Variants in PRKCH observed in about 807,000 individuals in gnomAD.
The protein encoded by PRKCH is protein kinase C eta, also known as protein kinase C eta type.
A neutral mutation model predicts 82.5 loss-of-function variants in PRKCH; 28 were observed. The ratio of observed to expected loss-of-function variants is 0.34; its 90% CI spans 0.25 to 0.47. The LOEUF (loss-of-function observed/expected upper bound fraction) is 0.47, where lower values mean the gene tolerates loss of function less well. PRKCH is among the 20% of genes least tolerant of loss of function. PRKCH has a pLI of 1.00. For synonymous variants in PRKCH, 322 were observed against 327.4 expected (o/e 0.98, Z 0.18); for missense variants, 705 against 881.8 (o/e 0.80, Z 2.54).
chr14:61,246,990 G>A (rs2044890333), intron 1 of PRKCH, among the ~76,000 whole-genome samples: 1 of 152,140 alleles, frequency 6.6e-6, no homozygotes, highest in Non-Finnish European at 1.5e-5. Flanking sequence ...AACAGCTCAG[G>A]GTAACAGCTC....
chr14:61,394,564 C>T (rs1326491578), intron 2 of PRKCH, among the ~76,000 whole-genome samples: 1 of 152,192 alleles, frequency 6.6e-6, no homozygotes, highest in Non-Finnish European at 1.5e-5. Flanking sequence ...TTACAAGGGA[C>T]TGGCGAAGTA....
intron 1 of PRKCH, among the ~76,000 whole-genome samples, chr14:61,371,626 T>A (rs1368165303): frequency 6.6e-6 from 1 of 152,088 alleles, no homozygotes; most frequent in African/African-American, 2.4e-5. Context: ...TCATATCAAT[T>A]GCATAATTAG....
At chr14:61,287,711 A>C (rs577074406) in intron 1 of PRKCH, among the ~76,000 whole-genome samples, 27 of 151,766 alleles carry the variant, frequency 1.8e-4, no homozygotes, top group Admixed American at 1.5e-3. Flanking sequence ...TTCCGTCTCA[A>C]GGAAAAAAAA....
intron 1 of PRKCH, among the ~76,000 whole-genome samples, chr14:61,296,359 C>T (rs2140101308): frequency 6.6e-6 from 1 of 152,174 alleles, no homozygotes; most frequent in African/African-American, 2.4e-5. Context: ...TGATACACAC[C>T]CCTGCTCCTC....
intron 1 of PRKCH, chr14:61,305,486 A>T (rs980764256): frequency 2.0e-5 from 3 of 151,916 alleles, no homozygotes; most frequent in African/African-American, 7.3e-5. Flanking sequence ...TTATATATAT[A>T]CTAACTTTGC....
At chr14:61,417,409 A>C (rs1951967) in intron 2 of PRKCH, among the ~76,000 whole-genome samples, 2 of 152,186 alleles carry the variant, frequency 1.3e-5, no homozygotes, top group Admixed American at 1.3e-4. Context: ...CACAGCAGAG[A>C]CTGCTCTTCA....
intron 1 of PRKCH, among the ~76,000 whole-genome samples, chr14:61,331,281 C>A (rs1214397279): frequency 6.6e-6 from 1 of 152,110 alleles, no homozygotes; most frequent in East Asian, 1.9e-4. Flanking sequence ...TCAGAGAAAG[C>A]TAGCTTACTA....
intron 1 of PRKCH, among the ~76,000 whole-genome samples, chr14:61,247,193 G>A (rs2044892827): frequency 6.6e-6 from 1 of 151,664 alleles, no homozygotes; most frequent in South Asian, 2.1e-4. Flanking sequence ...AAAAATATAT[G>A]ATAAACTAAA....
intron 1 of PRKCH, among the ~76,000 whole-genome samples, chr14:61,274,158 A>G (rs570282413): frequency 1.7e-3 from 261 of 152,384 alleles, no homozygotes; most frequent in Middle Eastern, 0.014. Flanking sequence ...GTGAAAACAC[A>G]GAGTAAAGTC....
At chr14:61,213,251 T>C (rs1225223271) in intron 1 of PRKCH, among the ~76,000 whole-genome samples, 2 of 152,190 alleles carry the variant, frequency 1.3e-5, no homozygotes, top group Admixed American at 1.3e-4. Context: ...TTTAAAAAGG[T>C]CAGCAGAAAT....
chr14:61,235,285 C>A (rs761110231), intron 1 of PRKCH, among the ~76,000 whole-genome samples: 9 of 152,212 alleles, frequency 5.9e-5, no homozygotes, highest in Non-Finnish European at 1.3e-4. Context: ...CTGTTCAATT[C>A]TTTCCATCAC....
intron 2 of PRKCH, among the ~76,000 whole-genome samples, chr14:61,440,861 A>G (rs371133147): frequency 6.6e-6 from 1 of 152,172 alleles, no homozygotes. Context: ...TGACAGAGTT[A>G]AACTCTATCC....
At chr14:61,297,752 C>T (rs916293343) in intron 1 of PRKCH, among the ~76,000 whole-genome samples, 14 of 152,140 alleles carry the variant, frequency 9.2e-5, no homozygotes, top group African/African-American at 1.9e-4. Context: ...CGCCACTCAC[C>T]TCCTGCTATG....
intron 1 of PRKCH, among the ~76,000 whole-genome samples, chr14:61,344,991 T>C (rs1566830379): frequency 6.6e-6 from 1 of 152,140 alleles, no homozygotes. Context: ...ACCTTATCAT[T>C]AGGCTGGCCA....
intron 1 of PRKCH, among the ~76,000 whole-genome samples, chr14:61,189,535 C>CA (rs893792913): frequency 1.3e-5 from 2 of 151,984 alleles, no homozygotes; most frequent in African/African-American, 4.8e-5. Context: ...CTTCCTCTCT[C>CA]TCTTGCTTCT....
chr14:61,542,588 C>T (rs774906831), intron 12 of PRKCH, among the ~76,000 whole-genome samples: 3 of 152,172 alleles, frequency 2.0e-5, no homozygotes, highest in Admixed American at 6.5e-5. Context: ...GAGCCTAGGA[C>T]AGTGAAGGCA....
At chr14:61,302,214 A>T (rs530970486) in intron 1 of PRKCH, among the ~76,000 whole-genome samples, 1 of 152,356 alleles carries the variant, frequency 6.6e-6, no homozygotes, top group African/African-American at 2.4e-5. Context: ...TGTGGCATAA[A>T]ATGTAAGCAA....
At chr14:61,471,892 A>G (rs1174708192) in intron 9 of PRKCH, among the ~76,000 whole-genome samples, 3 of 152,176 alleles carry the variant, frequency 2.0e-5, no homozygotes, top group Non-Finnish European at 2.9e-5. Flanking sequence ...TTGGTATGAA[A>G]AGTCAAATGG....
At chr14:61,364,989 A>G (rs79054575) in intron 1 of PRKCH, among the ~76,000 whole-genome samples, 1,980 of 152,154 alleles carry the variant, frequency 0.013, 58 homozygotes, top group South Asian at 0.065. Context: ...AGGGTGATGT[A>G]GTCTCCAAGG....
Sources: allele counts gnomAD v4.1 joint callset (sites outside exome capture counted in the v4.1 genomes callset), GRCh38; gene constraint gnomAD v4.1.1; transcripts MANE v1.5; gene names NCBI Gene and HGNC (gene_info 2026-07-23, HGNC 2026-07-21).